The following MEMO1 variants were observed in gnomAD, a reference collection of about 807,000 sequenced individuals.
The protein encoded by MEMO1 is mediator of cell motility 1.
A neutral mutation model predicts 45.2 loss-of-function variants in MEMO1; 6 were observed. That is an observed-to-expected ratio of 0.13 (90% confidence interval 0.07 to 0.26). The LOEUF (loss-of-function observed/expected upper bound fraction) is 0.26, where lower values mean the gene tolerates loss of function less well. Among genes scored for constraint, MEMO1 ranks in the 10% least tolerant of loss-of-function variants. The pLI, the probability that MEMO1 is intolerant of heterozygous loss-of-function variation, is 1.00. For missense variants in MEMO1, 184 were observed against 370.5 expected (o/e 0.50, Z 4.13); for synonymous variants, 78 against 124.3 (o/e 0.63, Z 2.48).
intron 2 of MEMO1, among the ~76,000 whole-genome samples, chr2:31,959,945 G>C: frequency 6.6e-6 from 1 of 152,188 alleles, no homozygotes; most frequent in East Asian, 1.9e-4. Context: ...TTTCTGGCCT[G>C]GTGTGGTGGT....
chr2:31,944,097 T>C (rs1044934564), intron 2 of MEMO1, among the ~76,000 whole-genome samples: 3 of 152,134 alleles, frequency 2.0e-5, no homozygotes, highest in African/African-American at 7.2e-5. Flanking sequence ...TCCATCACAG[T>C]CAAAACATAG....
intron 5 of MEMO1, among the ~76,000 whole-genome samples, 172 bp downstream of exon 5, chr2:31,920,626 T>C (rs2148175266): frequency 6.6e-6 from 1 of 152,266 alleles, no homozygotes; most frequent in East Asian, 1.9e-4. Context: ...AGTTGCCTTT[T>C]AGGGATATGG....
chr2:31,990,057 CA>C (rs1205407754), intron 2 of MEMO1, among the ~76,000 whole-genome samples: 11 of 152,150 alleles, frequency 7.2e-5, no homozygotes, highest in Non-Finnish European at 1.3e-4. Flanking sequence ...GTCAAGGTTG[CA>C]ATGAGCCATG....
At chr2:31,964,860 T>G (rs1318753806) in intron 2 of MEMO1, among the ~76,000 whole-genome samples, 3 of 152,194 alleles carry the variant, frequency 2.0e-5, no homozygotes, top group African/African-American at 7.2e-5. Flanking sequence ...TTGTATTCCC[T>G]TCTTTTCACA....
chr2:31,991,327 CT>C (rs1327368218), intron 2 of MEMO1, among the ~76,000 whole-genome samples: 4 of 152,128 alleles, frequency 2.6e-5, no homozygotes, highest in African/African-American at 4.8e-5. Context: ...AATCCCAGCA[CT>C]TTGGGAGCCG....
chr2:31,966,544 A>G (rs1668631580), intron 2 of MEMO1, among the ~76,000 whole-genome samples: 2 of 152,272 alleles, frequency 1.3e-5, no homozygotes, highest in East Asian at 1.9e-4. Flanking sequence ...CATGCTGGCC[A>G]ACATGAGGAA....
intron 2 of MEMO1, among the ~76,000 whole-genome samples, chr2:31,951,783 G>A (rs966565404): frequency 2.0e-5 from 3 of 152,048 alleles, no homozygotes; most frequent in Non-Finnish European, 4.4e-5. Flanking sequence ...AACCACCTCA[G>A]CATCCCAAAG....
At chr2:31,870,163 T>G (rs1021662069) in intron 8 of MEMO1, among the ~76,000 whole-genome samples, 1 of 151,802 alleles carries the variant, frequency 6.6e-6, no homozygotes, top group Non-Finnish European at 1.5e-5. Context: ...AACAGAAAAC[T>G]TTTAATCCCC....
intron 2 of MEMO1, among the ~76,000 whole-genome samples, chr2:31,967,124 ATTTTT>A (rs35691981): frequency 3.4e-5 from 4 of 118,398 alleles, no homozygotes; most frequent in African/African-American, 3.1e-5. Flanking sequence ...TCAGTATTTT[ATTTTT>A]TTTTTTTTTT....
At chr2:31,984,152 G>C (rs760914655) in intron 2 of MEMO1, among the ~76,000 whole-genome samples, 5 of 152,092 alleles carry the variant, frequency 3.3e-5, no homozygotes, top group African/African-American at 4.8e-5. Flanking sequence ...AACAGAATAC[G>C]GCAAAAGGAA....
At chr2:31,999,544 C>T (rs1673014898) in intron 2 of MEMO1, among the ~76,000 whole-genome samples, 2 of 152,116 alleles carry the variant, frequency 1.3e-5, no homozygotes, top group South Asian at 4.1e-4. Context: ...CTGGTGCCTG[C>T]CTGTAGTCCC....
At chr2:32,002,343 A>G (rs1172912462) in intron 2 of MEMO1, among the ~76,000 whole-genome samples, 1 of 149,210 alleles carries the variant, frequency 6.7e-6, no homozygotes, top group African/African-American at 2.5e-5. Flanking sequence ...ACATATACAT[A>G]TATACATACA....
intron 2 of MEMO1, among the ~76,000 whole-genome samples, chr2:31,947,590 T>C (rs1376522285): frequency 1.3e-5 from 2 of 152,228 alleles, no homozygotes; most frequent in Non-Finnish European, 2.9e-5. Context: ...TACTTAATGT[T>C]TGTGTGATCT....
At chr2:31,895,109 A>T (rs558041854) in intron 6 of MEMO1, among the ~76,000 whole-genome samples, 21 of 152,364 alleles carry the variant, frequency 1.4e-4, no homozygotes, top group African/African-American at 4.6e-4. Context: ...GAAGTTCATG[A>T]AAGTTCCTAA....
At chr2:31,995,316 G>A (rs1413927137) in intron 2 of MEMO1, among the ~76,000 whole-genome samples, 6 of 152,024 alleles carry the variant, frequency 3.9e-5, no homozygotes, top group Non-Finnish European at 1.5e-5. Flanking sequence ...GCCGGGTGAG[G>A]TGGTGGGCAC....
At chr2:31,893,559 C>A (rs1288721397) in intron 6 of MEMO1, among the ~76,000 whole-genome samples, 1 of 152,082 alleles carries the variant, frequency 6.6e-6, no homozygotes, top group Non-Finnish European at 1.5e-5. Flanking sequence ...GATTGGGAAA[C>A]AGTTATACAG....
intron 2 of MEMO1, among the ~76,000 whole-genome samples, chr2:31,977,166 A>C (rs943392000): frequency 6.6e-6 from 1 of 152,164 alleles, no homozygotes; most frequent in Admixed American, 6.6e-5. Flanking sequence ...AAAGCATAGA[A>C]GTGGATATGA....
intron 7 of MEMO1, among the ~76,000 whole-genome samples, chr2:31,885,113 C>T (rs1675991153): frequency 6.6e-6 from 1 of 151,844 alleles, no homozygotes; most frequent in Admixed American, 6.6e-5. Context: ...ATAATTGACA[C>T]TATTTTTCTT....
At chr2:31,884,543 TTCA>T (rs891913672) in intron 7 of MEMO1, among the ~76,000 whole-genome samples, 1 of 152,184 alleles carries the variant, frequency 6.6e-6, no homozygotes, top group Non-Finnish European at 1.5e-5. Context: ...AAGTTTTCTG[TTCA>T]TCTTACTAAA....
Sources: allele counts gnomAD v4.1 joint callset (sites outside exome capture counted in the v4.1 genomes callset), GRCh38; gene constraint gnomAD v4.1.1; transcripts MANE v1.5; gene names NCBI Gene and HGNC (gene_info 2026-07-23, HGNC 2026-07-21).